SLC26A8: variants seen among roughly 807,000 people sequenced by gnomAD.
The protein encoded by SLC26A8 is solute carrier family 26 member 8.
In SLC26A8, 70 loss-of-function variants were observed where a neutral mutation model predicts 105.0. That is an observed-to-expected ratio of 0.67 (90% CI 0.55 to 0.81). The LOEUF (loss-of-function observed/expected upper bound fraction) is 0.81. SLC26A8 is among the 40% of genes least tolerant of loss of function. The pLI, the probability that SLC26A8 is intolerant of heterozygous loss-of-function variation, is 0.00. For missense variants in SLC26A8, 998 were observed against 1,181.8 expected (o/e 0.84, Z 2.28); for synonymous variants, 415 against 438.3 (o/e 0.95, Z 0.66).
chr6:36,016,958 G>A (rs1762009565), intron 2 of SLC26A8, among the ~76,000 whole-genome samples: 1 of 152,088 alleles, frequency 6.6e-6, no homozygotes, highest in Admixed American at 6.5e-5. Context: ...GATCACTTGA[G>A]GTCAGGAATT....
At chr6:35,950,295 ATTT>A (rs879676452) in intron 19 of SLC26A8, among the ~76,000 whole-genome samples, 2 of 138,870 alleles carry the variant, frequency 1.4e-5, no homozygotes, top group African/African-American at 5.3e-5. Flanking sequence ...AGGTCTCAGT[ATTT>A]TTTTTTTTTT....
At chr6:35,947,593 A>C (rs148291454) in intron 19 of SLC26A8, among the ~76,000 whole-genome samples, 2,704 of 152,298 alleles carry the variant, frequency 0.018, 53 homozygotes, top group Middle Eastern at 0.058. Flanking sequence ...AATTTAATAA[A>C]AACCAATGAG....
intron 2 of SLC26A8, among the ~76,000 whole-genome samples, chr6:36,017,115 G>C (rs1173734266): frequency 6.6e-6 from 1 of 151,994 alleles, no homozygotes; most frequent in Non-Finnish European, 1.5e-5. Context: ...AGGTTGCAGT[G>C]AGCGGAGATT....
At chr6:35,985,655 T>A (rs1206857869) in intron 7 of SLC26A8, among the ~76,000 whole-genome samples, 1 of 130,670 alleles carries the variant, frequency 7.7e-6, no homozygotes, top group African/African-American at 3.0e-5. Flanking sequence ...ATTGCGCCAC[T>A]GCACTCCAGC....
At chr6:36,001,675 C>T (rs1043679231) in intron 3 of SLC26A8, among the ~76,000 whole-genome samples, 1 of 152,200 alleles carries the variant, frequency 6.6e-6, no homozygotes, top group Non-Finnish European at 1.5e-5. Flanking sequence ...AAGGACTTTG[C>T]ACTTCGTTTA....
At chr6:35,952,419 C>T (rs1260832580) in intron 17 of SLC26A8, among the ~76,000 whole-genome samples, 3 of 152,158 alleles carry the variant, frequency 2.0e-5, no homozygotes, top group Admixed American at 6.6e-5. Flanking sequence ...CTCAAGTTTG[C>T]TTCAGCCAAT....
At chr6:35,974,432 A>G (rs1268371699) in intron 10 of SLC26A8, among the ~76,000 whole-genome samples, 7 of 152,258 alleles carry the variant, frequency 4.6e-5, no homozygotes, top group African/African-American at 1.2e-4. Flanking sequence ...CTCTCTATGT[A>G]TGCTTAACAC....
chr6:36,019,398 A>C, intron 2 of SLC26A8, 122 bp downstream of exon 2: 4 of 1,092,000 alleles, frequency 3.7e-6, no homozygotes, highest in Non-Finnish European at 3.8e-6. Flanking sequence ...AAAATTGCAC[A>C]ATAAACTGCA....
At chr6:36,022,423 A>C (rs1762148886) in intron 1 of SLC26A8, among the ~76,000 whole-genome samples, 1 of 152,212 alleles carries the variant, frequency 6.6e-6, no homozygotes. Context: ...TCAGATCCTC[A>C]ATTATACTAG....
intron 3 of SLC26A8, among the ~76,000 whole-genome samples, chr6:36,004,212 C>T (rs959756355): frequency 6.6e-5 from 10 of 151,018 alleles, no homozygotes; most frequent in Non-Finnish European, 1.3e-4. Context: ...AGTAGCTGGA[C>T]TACAGGTATG....
chr6:35,982,970 T>C (rs1002056259), intron 7 of SLC26A8, among the ~76,000 whole-genome samples: 3 of 152,252 alleles, frequency 2.0e-5, no homozygotes, highest in South Asian at 2.1e-4. Context: ...GCAGCTGTTA[T>C]AGCTTATAAA....
intron 19 of SLC26A8, among the ~76,000 whole-genome samples, chr6:35,948,483 G>A (rs1045498542): frequency 2.6e-5 from 4 of 152,140 alleles, no homozygotes; most frequent in African/African-American, 9.7e-5. Context: ...CAGCTACTCA[G>A]GACGCTGAGG....
At chr6:35,980,734 C>T (rs764324928) in intron 8 of SLC26A8, among the ~76,000 whole-genome samples, 10 of 151,906 alleles carry the variant, frequency 6.6e-5, no homozygotes, top group Non-Finnish European at 8.8e-5. Flanking sequence ...TACATTTGCC[C>T]GGGTGTGGTG....
chr6:35,944,892 C>T (rs1325481795), intron 19 of SLC26A8, among the ~76,000 whole-genome samples: 2 of 152,100 alleles, frequency 1.3e-5, no homozygotes, highest in Admixed American at 1.3e-4. Context: ...CTCTGTTGCC[C>T]AGGCTGGAGT....
intron 5 of SLC26A8, among the ~76,000 whole-genome samples, chr6:35,993,728 AT>A (rs1562055382): frequency 6.6e-6 from 1 of 152,152 alleles, no homozygotes; most frequent in Non-Finnish European, 1.5e-5. Context: ...GTCTTTTATA[AT>A]AAAAACCACA....
intron 10 of SLC26A8, chr6:35,969,863 A>C (rs1388078134): frequency 6.6e-6 from 1 of 152,224 alleles, no homozygotes; most frequent in Non-Finnish European, 1.5e-5. Flanking sequence ...TGTATATAGC[A>C]GCTCTGGATC....
In SLC26A8 at chr6:35,962,617, A is replaced by G. The variant is rs1772359591; in HGVS notation, c.1370T>C (p.Val457Ala). Reference sequence around the variant, plus strand: ...GTTGCTCAGAATAATACCAGCCAGCACAGCCTGTGGGGAAAAGATAAATCA... The same window carrying G: ...GTTGCTCAGAATAATACCAGCCAGCGCAGCCTGTGGGGAAAAGATAAATCA... ...GHFFYTLPNA[V>A]LAGIILSNVI... Residue 457 changes from valine (V) to alanine (A), a missense_variant, in exon 12 of 20, where the codon GTG becomes GCG. Coordinates refer to ENST00000490799, the MANE Select transcript of SLC26A8 (RefSeq NM_052961.4). The G allele has an allele frequency of 2.5e-6, 4 of 1,613,944 alleles. No individual in the cohort carries two copies. The highest frequency in any genetic ancestry group is 3.4e-6 in the Non-Finnish European group (4 of 1,179,960).
intron 2 of SLC26A8, among the ~76,000 whole-genome samples, chr6:36,018,610 T>C (rs1235828398): frequency 1.3e-5 from 2 of 152,248 alleles, no homozygotes; most frequent in South Asian, 2.1e-4. Flanking sequence ...CGAATGTCAA[T>C]CATGCCACTG....
chr6:35,991,677 A>T lies in SLC26A8; in HGVS notation c.924T>A (p.Phe308Leu). ...RISFNQYPIE[F>L]PMELFLIIGF... ...CACCTACCAGAAATAATTCCATGGG[A>T]AACTCAATGGGATACTGATTGAAAG... Residue 308 changes from phenylalanine (F) to leucine (L), a missense_variant, in exon 7 of 20, where the codon TTT becomes TTA. Coordinates refer to ENST00000490799, the MANE Select transcript of SLC26A8 (RefSeq NM_052961.4). 6.4e-7 allele frequency: 1 copy of T among 1,573,560 alleles called. No individual in the cohort carries two copies. The highest frequency in any genetic ancestry group is 8.6e-7 in the Non-Finnish European group (1 of 1,163,166).
Sources: gnomAD v4.1 joint callset for allele counts (sites outside exome capture counted in the v4.1 genomes callset) on GRCh38, gnomAD v4.1.1 for gene constraint, MANE v1.5 for transcripts, NCBI Gene and HGNC (gene_info 2026-07-23, HGNC 2026-07-21) for gene names.